The following LRRC8C variants were observed in gnomAD, a reference collection of about 807,000 sequenced individuals.
LRRC8C encodes volume-regulated anion channel subunit LRRC8C.
In LRRC8C, 20 loss-of-function variants were observed where a neutral mutation model predicts 55.3. That is an observed-to-expected ratio of 0.36 (90% confidence interval 0.25 to 0.53). The LOEUF is 0.53. LRRC8C is among the 20% of genes least tolerant of loss of function. The pLI, the probability that LRRC8C is intolerant of heterozygous loss-of-function variation, is 0.92. For missense variants in LRRC8C, 659 were observed against 951.4 expected, an observed-to-expected ratio of 0.69 and a Z score of 4.04; for synonymous variants, 376 against 360.7, an observed-to-expected ratio of 1.04 and a Z score of -0.48.
At chr1:89,626,023 C>A in the LRRC8C span, among the ~76,000 whole-genome samples, 1 of 152,102 alleles carries the variant, frequency 6.6e-6, no homozygotes, top group Non-Finnish European at 1.5e-5. Context: ...TTTAAATGTT[C>A]CATTGTCTTT....
chr1:89,712,763 C>T lies in LRRC8C; in HGVS notation c.193C>T (p.His65Tyr). The stretch of plus-strand genomic sequence containing the variant: ...GAAAAGAGTGCAGCCTGCTCAGAAC[C>T]ACTCTTCCCTTTCGAATGTCTCTCA... ...LPKRVQPAQNHSSLSNVSQAV... is the reference protein window; with the variant it reads ...LPKRVQPAQNYSSLSNVSQAV... The change falls in exon 3 of 3, where the codon CAC becomes TAC. Residue 65 changes from histidine to tyrosine, a missense_variant. Physicochemically the swap from His to Tyr is moderately conservative, Grantham distance 83 (BLOSUM62 2). Around this residue, in one of 5 missense-constraint regions of LRRC8C, gnomAD observed 82 missense variants for 71.4 expected, o/e 1.15. Coordinates refer to ENST00000370454, the MANE Select transcript of LRRC8C (RefSeq NM_032270.5). The T allele has an allele frequency of 6.2e-7, 1 of 1,614,066 alleles. No individual in the cohort carries two copies. The highest frequency in any genetic ancestry group is 1.1e-5 in the South Asian group (1 of 91,076).
intron 1 of LRRC8C, among the ~76,000 whole-genome samples, chr1:89,638,896 TTGTA>T: frequency 6.6e-6 from 1 of 151,990 alleles, no homozygotes; most frequent in South Asian, 2.1e-4. Context: ...GACTAATCAA[TTGTA>T]TGAGTATAAA....
At chr1:89,642,490 G>A (rs559151355) in intron 1 of LRRC8C, among the ~76,000 whole-genome samples, 17 of 152,120 alleles carry the variant, frequency 1.1e-4, no homozygotes, top group Non-Finnish European at 2.2e-4. Flanking sequence ...CTAGGTAAGC[G>A]GATCACCTGA....
At chr1:89,623,499 G>T in the LRRC8C span, among the ~76,000 whole-genome samples, 2 of 152,182 alleles carry the variant, frequency 1.3e-5, no homozygotes, top group African/African-American at 4.8e-5. Flanking sequence ...GAAGTGGGCA[G>T]ATCACAAGGT....
chr1:89,659,345 G>A (rs1437221499), intron 1 of LRRC8C, among the ~76,000 whole-genome samples: 2 of 152,086 alleles, frequency 1.3e-5, no homozygotes, highest in African/African-American at 2.4e-5. Flanking sequence ...TAGGTTTAGT[G>A]ACTTAGATTA....
chr1:89,627,352 C>T, the LRRC8C span, among the ~76,000 whole-genome samples: 1 of 129,688 alleles, frequency 7.7e-6, no homozygotes, highest in African/African-American at 2.7e-5. Context: ...CCCATCTGAA[C>T]AATAATTCTA....
At position 89,662,672 on chromosome 1, in the gene LRRC8C, T is replaced by C. The variant is rs12078436; in HGVS notation, c.-4-23798T>C. On this transcript the variant is annotated intron_variant, in intron 1 of 2. Transcript: ENST00000370454. ...CTTATGTCTATGTAATATTTTTTGA[T>C]ATTCCTCTTAAAATAGAGCCCTAAA... Among the ~76,000 whole-genome samples the C allele has an allele frequency of 1.3e-3, 197 of 152,266 alleles. 1 individual carries two copies. The highest frequency in any genetic ancestry group is 4.4e-3 in the African/African-American group (183 of 41,528).
intron 2 of LRRC8C, among the ~76,000 whole-genome samples, chr1:89,711,639 T>C (rs1213975952): frequency 6.6e-6 from 1 of 152,264 alleles, no homozygotes; most frequent in Non-Finnish European, 1.5e-5. Flanking sequence ...TGTCACATCC[T>C]ACCTTATCTT....
At chr1:89,674,866 A>G (rs141007907) in intron 1 of LRRC8C, among the ~76,000 whole-genome samples, 1 of 152,344 alleles carries the variant, frequency 6.6e-6, no homozygotes, top group African/African-American at 2.4e-5. Context: ...TCATACTCTA[A>G]ACCCATTAGT....
intron 1 of LRRC8C, among the ~76,000 whole-genome samples, chr1:89,659,353 T>C (rs1461180564): frequency 3.9e-5 from 6 of 152,200 alleles, no homozygotes; most frequent in Non-Finnish European, 7.3e-5. Flanking sequence ...GTGACTTAGA[T>C]TAACCAGTTC....
At chr1:89,645,310 AATAAT>A (rs1362863415) in intron 1 of LRRC8C, among the ~76,000 whole-genome samples, 2 of 152,312 alleles carry the variant, frequency 1.3e-5, no homozygotes, top group Non-Finnish European at 2.9e-5. Flanking sequence ...TATTGATAGA[AATAAT>A]ATAATCTGAA....
At chr1:89,639,519 T>C (rs528212144) in intron 1 of LRRC8C, among the ~76,000 whole-genome samples, 13 of 152,142 alleles carry the variant, frequency 8.5e-5, no homozygotes, top group African/African-American at 2.6e-4. Context: ...CATGCTCCCT[T>C]CCCCCCCAAC....
chr1:89,666,529 T>TAC (rs1261675251), intron 1 of LRRC8C, among the ~76,000 whole-genome samples: 2 of 152,142 alleles, frequency 1.3e-5, no homozygotes, highest in African/African-American at 4.8e-5. Context: ...AATTGTCCTT[T>TAC]TCCAGCTCCA....
chr1:89,680,367 G>A (rs529883994), intron 1 of LRRC8C, among the ~76,000 whole-genome samples: 1 of 152,022 alleles, frequency 6.6e-6, no homozygotes, highest in South Asian at 2.1e-4. Context: ...GTGAGCCACC[G>A]TGCCCGGCCA....
intron 1 of LRRC8C, among the ~76,000 whole-genome samples, chr1:89,680,271 G>A (rs1338696320): frequency 1.3e-5 from 2 of 151,922 alleles, no homozygotes; most frequent in South Asian, 2.1e-4. Context: ...TAGAGACGGG[G>A]TTTCACCGTG....
At chr1:89,711,950 G>A (rs111379802) in intron 2 of LRRC8C, among the ~76,000 whole-genome samples, 3,914 of 152,200 alleles carry the variant, frequency 0.026, 83 homozygotes, top group Non-Finnish European at 0.043. Flanking sequence ...AAAAGAAGGG[G>A]AAAACAAGAC....
intron 1 of LRRC8C, among the ~76,000 whole-genome samples, chr1:89,659,018 A>C (rs1480010282): frequency 1.3e-5 from 2 of 150,274 alleles, no homozygotes; most frequent in African/African-American, 4.9e-5. Flanking sequence ...ATGAGAGTTA[A>C]TAGGAAATTT....
At chr1:89,650,771 G>A (rs768489605) in intron 1 of LRRC8C, among the ~76,000 whole-genome samples, 1 of 152,202 alleles carries the variant, frequency 6.6e-6, no homozygotes, top group Non-Finnish European at 1.5e-5. Flanking sequence ...TCTAGGAACA[G>A]AAGTTTTGGG....
intron 1 of LRRC8C, among the ~76,000 whole-genome samples, chr1:89,641,249 T>C (rs1656448124): frequency 6.6e-6 from 1 of 152,240 alleles, no homozygotes; most frequent in South Asian, 2.1e-4. Context: ...AAATTTTATT[T>C]GTCTTAGGTG....
Sources: gnomAD v4.1 joint callset for allele counts (sites outside exome capture counted in the v4.1 genomes callset) on GRCh38, gnomAD v4.1.1 for gene constraint, gnomAD v4.1.1 regional missense constraint, MANE v1.5 for transcripts, NCBI Gene and HGNC (gene_info 2026-07-23, HGNC 2026-07-21) for gene names.